The following USP11 variants were observed in gnomAD, a reference collection of about 807,000 sequenced individuals.
USP11 encodes ubiquitin carboxyl-terminal hydrolase 11.
A neutral mutation model predicts 72.8 loss-of-function variants in USP11; 5 were observed. That is an observed-to-expected ratio of 0.07 (90% CI 0.04 to 0.14). The LOEUF is 0.14. Among genes scored for constraint, USP11 ranks in the 10% least tolerant of loss-of-function variants. USP11 has a pLI of 1.00. For synonymous variants in USP11, 368 were observed against 326.5 expected, an observed-to-expected ratio of 1.13 and a Z score of -1.37; for missense variants, 480 against 794.7, an observed-to-expected ratio of 0.60 and a Z score of 4.76.
rs1354991494 is a variant in USP11, at chrX:47,233,079, G to A, written c.36G>A (p.Ala12=). ...ATVAANPAAA[A]AAVAAAAAVT... Reference sequence around the variant, plus strand: ...TCGCAGCAAATCCAGCTGCTGCTGCGGCGGCTGTGGCGGCGGCAGCGGCGG... The same window carrying A: ...TCGCAGCAAATCCAGCTGCTGCTGCAGCGGCTGTGGCGGCGGCAGCGGCGG... The change falls in exon 1 of 21, where the codon GCG becomes GCA. Residue 12 remains alanine (A), a synonymous_variant. Coordinates refer to ENST00000377107, the MANE Select transcript of USP11 (RefSeq NM_001371072.1). 2 of 1,201,713 alleles carry A rather than the reference G, an allele frequency of 1.7e-6. No individual in the cohort carries two copies. Among genetic ancestry groups the A allele is most frequent in the Non-Finnish European group, 2.2e-6 (2 of 890,061 alleles).
intron 1 of USP11, among the ~76,000 whole-genome samples, chrX:47,235,722 A>G (rs1421474234): frequency 2.7e-5 from 3 of 110,816 alleles, no homozygotes; most frequent in African/African-American, 6.6e-5. Context: ...TTCTTTAATA[A>G]CCACACCAGT....
intron 12 of USP11, 116 bp from the exon 13 acceptor site, chrX:47,243,280 T>A (rs2055413519): frequency 1.5e-6 from 1 of 681,004 alleles, no homozygotes; most frequent in East Asian, 3.7e-5. Context: ...AATAAATAAA[T>A]AAATAAAAAT....
chrX:47,239,563 A>G (rs2055391519), intron 3 of USP11, 82 bp downstream of exon 3: 3 of 1,157,764 alleles, frequency 2.6e-6, no homozygotes, highest in Non-Finnish European at 1.2e-6. Flanking sequence ...AGATCCATGT[A>G]TGCTGGGTAG....
chrX:47,247,697 G>C lies in USP11; in HGVS notation c.2623G>C (p.Glu875Gln). Residue 875 changes from glutamate to glutamine, a missense_variant and splice_region_variant, in exon 20 of 21, where the codon GAG becomes CAG. Physicochemically the swap from Glu to Gln is conservative, Grantham distance 29 (BLOSUM62 2). Coordinates refer to ENST00000377107, the MANE Select transcript of USP11 (RefSeq NM_001371072.1). ...SVSPVNENQI[E>Q]SKAAYVLFYQ... ...CTCCCCTGTCAATGAGAATCAGATCGAGGTGTGACTTCCATCCTACCTCCT... is the reference window on the plus strand; with the variant it reads ...CTCCCCTGTCAATGAGAATCAGATCCAGGTGTGACTTCCATCCTACCTCCT... The C allele has an allele frequency of 8.3e-7, 1 of 1,210,803 alleles. No individual in the cohort carries two copies. Among genetic ancestry groups the C allele is most frequent in the Non-Finnish European group, 1.1e-6 (1 of 895,116 alleles).
intron 4 of USP11, 65 bp from the exon 5 acceptor site, chrX:47,240,240 G>A: frequency 8.5e-7 from 1 of 1,175,357 alleles, no homozygotes. Context: ...AGTCAGGTAT[G>A]CCCAGATGGA....
intron 7 of USP11, 168 bp downstream of exon 7, chrX:47,241,044 A>G (rs961875733): frequency 2.5e-5 from 14 of 563,964 alleles, no homozygotes; most frequent in South Asian, 9.2e-5. Flanking sequence ...CTGAACTATC[A>G]GCCTCTTCTC....
intron 1 of USP11, among the ~76,000 whole-genome samples, chrX:47,237,820 G>A (rs958172190): frequency 2.0e-5 from 2 of 99,210 alleles, no homozygotes; most frequent in Non-Finnish European, 4.2e-5. Context: ...GTGTGTGTGT[G>A]TGTGTGTTTA....
chrX:47,241,603 G>A lies in USP11; in HGVS notation c.1083G>A (p.Leu361=). The part of the protein sequence containing the change: ...LGYQQHDSQE[L]LSFLLDGLHE... ...ACCAGCAGCATGACTCTCAGGAGCT[G>A]CTGTCATTCCTCCTGGACGGGCTGC... Residue 361 remains leucine (L), a synonymous_variant, in exon 9 of 21, where the codon CTG becomes CTA. Transcript: ENST00000377107. The A allele has an allele frequency of 8.3e-7, 1 of 1,210,762 alleles. No individual in the cohort carries two copies. Among genetic ancestry groups the A allele is most frequent in the Non-Finnish European group, 1.1e-6 (1 of 894,973 alleles).
At position 47,248,009 on chromosome X, in the gene USP11, C is replaced by G. The variant is rs2055445837; in HGVS notation, c.*79C>G. On this transcript the variant is annotated 3_prime_UTR_variant, in exon 21 of 21. Transcript: ENST00000377107. ...CGCTTCTCGTGTCCGCCCCGCTTCT[C>G]TTATTCGTGTTAGGTGCCCCCGCCA... 1 of 1,117,625 alleles carries G rather than the reference C, an allele frequency of 8.9e-7. No individual in the cohort carries two copies. Among genetic ancestry groups the G allele is most frequent in the Non-Finnish European group, 1.2e-6 (1 of 855,363 alleles). The allele number at this position is 1,117,625 out of a possible 1,213,427, so 92.1% of individuals were successfully genotyped here.
At chrX:47,239,503 C>T (rs781390593) in intron 3 of USP11, 22 bp downstream of exon 3, 2 of 1,209,182 alleles carry the variant, frequency 1.7e-6, no homozygotes, top group South Asian at 1.8e-5. Context: ...GGGGAGGGTG[C>T]ATGGCGGGGA....
chrX:47,248,211 C>T lies in USP11; in HGVS notation c.*281C>T, dbSNP rs2055447673. ...GTCGTGCCCTTCCCTCTCCTCAGCC[C>T]AGAGTGTTCTGCGTGGGTGGTGATG... On this transcript the variant is annotated 3_prime_UTR_variant, in exon 21 of 21. Transcript: ENST00000377107. 5.9e-6 allele frequency: 2 copies of T among 336,852 alleles called. No homozygotes were observed. Among genetic ancestry groups the T allele is most frequent in the South Asian group, 1.1e-4 (2 of 18,497 alleles). 27.8% of individuals were successfully genotyped at this position (336,852 alleles called of 1,213,427 possible). A position where few individuals can be genotyped will look rare whatever the true frequency, so the allele number is the denominator to read the frequency against.
chrX:47,242,287 C>T lies in USP11; in HGVS notation c.1385C>T (p.Pro462Leu). The stretch of plus-strand genomic sequence containing the variant: ...GAGGTCTTCTTTATCCCCATGGATC[C>T]GCGCCGCAAGCCAGAGCAGGTGTGG... ...VLEVFFIPMD[P>L]RRKPEQHRLV... The change falls in exon 10 of 21, where the codon CCG becomes CTG. Residue 462 changes from proline (P) to leucine (L), a missense_variant. This residue lies in a region of USP11 where 314 missense variants were observed against 556.0 expected (regional missense o/e 0.56). Transcript: ENST00000377107. The T allele has an allele frequency of 1.7e-6, 2 of 1,211,602 alleles. No individual in the cohort carries two copies. The highest frequency in any genetic ancestry group is 2.2e-6 in the Non-Finnish European group (2 of 895,408).
At chrX:47,241,167 C>G in intron 7 of USP11, 110 bp from the exon 8 acceptor site, 2 of 845,103 alleles carry the variant, frequency 2.4e-6, no homozygotes, top group Non-Finnish European at 3.3e-6. Context: ...CCTCCCTTCC[C>G]CTTCTCTCTT....
intron 9 of USP11, among the ~76,000 whole-genome samples, 161 bp downstream of exon 9, chrX:47,241,860 T>C (rs2055405028): frequency 8.9e-6 from 1 of 111,732 alleles, no homozygotes; most frequent in Non-Finnish European, 1.9e-5. Flanking sequence ...TGCAATACCA[T>C]ATCTGCCCCC....
intron 1 of USP11, chrX:47,233,709 G>A (rs2055357643): frequency 8.3e-6 from 2 of 239,656 alleles, no homozygotes; most frequent in Non-Finnish European, 1.2e-5. Flanking sequence ...GACCTCCGTG[G>A]GGGAGGGGGG....
intron 1 of USP11, 53 bp downstream of exon 1, chrX:47,233,272 C>A: frequency 9.1e-7 from 1 of 1,099,508 alleles, no homozygotes; most frequent in Non-Finnish European, 1.2e-6. Context: ...GGGGCATTGA[C>A]AACCGCTGGG....
chrX:47,247,561 C>G (rs1321075918), intron 19 of USP11, 50 bp from the exon 20 acceptor site: 1 of 1,192,867 alleles, frequency 8.4e-7, no homozygotes, highest in East Asian at 3.0e-5. Context: ...AATCTGGACA[C>G]TTCTGAGAGG....
chrX:47,245,703 C>T (rs762454239), intron 17 of USP11, among the ~76,000 whole-genome samples: 2 of 110,448 alleles, frequency 1.8e-5, no homozygotes, highest in South Asian at 7.8e-4. Flanking sequence ...CACTACCATG[C>T]CTGGCTAATT....
chrX:47,237,620 G>GATA (rs750512654), intron 1 of USP11, among the ~76,000 whole-genome samples: 233 of 110,815 alleles, frequency 2.1e-3, no homozygotes, highest in Non-Finnish European at 3.5e-3. Context: ...CTCAAAAAAT[G>GATA]ATAATAATAA....
Sources: allele counts gnomAD v4.1 joint callset (sites outside exome capture counted in the v4.1 genomes callset), GRCh38; gene constraint gnomAD v4.1.1; regional missense constraint gnomAD v4.1.1; transcripts MANE v1.5; gene names NCBI Gene and HGNC (gene_info 2026-07-23, HGNC 2026-07-21).